The following NBAS variants were observed in gnomAD, a reference collection of about 807,000 sequenced individuals.
NBAS encodes NAG/BC035112 fusion.
In NBAS, 219 loss-of-function variants were observed where a neutral mutation model predicts 302.5. The ratio of observed to expected loss-of-function variants is 0.72; its 90% confidence interval spans 0.65 to 0.81. The LOEUF (loss-of-function observed/expected upper bound fraction) is 0.81. NBAS is among the 30% of genes least tolerant of loss of function. The pLI is 0.00. For missense variants in NBAS, 2,932 were observed against 2,841.6 expected (o/e 1.03, Z -0.72); for synonymous variants, 1,118 against 1,021.6 (o/e 1.09, Z -1.80).
the NBAS span, among the ~76,000 whole-genome samples, chr2:15,051,572 G>A: frequency 6.6e-6 from 1 of 152,210 alleles, no homozygotes; most frequent in Non-Finnish European, 1.5e-5. Context: ...CCAGAGTTGT[G>A]GAATTAAAAT....
At chr2:14,931,031 G>A in the NBAS span, among the ~76,000 whole-genome samples, 22,960 of 152,124 alleles carry the variant, frequency 0.15, 1,766 homozygotes, top group South Asian at 0.18. Context: ...CAGAGAAATG[G>A]TGCTTGAAGT....
intron 21 of NBAS, among the ~76,000 whole-genome samples, chr2:15,439,955 G>C (rs1269865031): frequency 6.6e-6 from 1 of 152,250 alleles, no homozygotes. Context: ...GGCTGGGGGA[G>C]GGGCAACCGC....
chr2:15,368,225 A>G (rs1217603888), intron 31 of NBAS, among the ~76,000 whole-genome samples: 1 of 124,202 alleles, frequency 8.1e-6, no homozygotes, highest in Non-Finnish European at 1.6e-5. Flanking sequence ...TTTGAGATAG[A>G]ATCTCCCTCT....
intron 35 of NBAS, among the ~76,000 whole-genome samples, chr2:15,336,556 C>A (rs1026200219): frequency 6.6e-6 from 1 of 152,074 alleles, no homozygotes; most frequent in South Asian, 2.1e-4. Flanking sequence ...ACTGGTGAAA[C>A]CCCGTCTCTA....
the NBAS span, among the ~76,000 whole-genome samples, chr2:14,910,219 G>A: frequency 3.1e-4 from 47 of 152,276 alleles, no homozygotes; most frequent in African/African-American, 1.0e-3. Flanking sequence ...GAGAGGATGG[G>A]AAATCAAAGA....
At chr2:14,874,709 T>A in the NBAS span, among the ~76,000 whole-genome samples, 1 of 150,606 alleles carries the variant, frequency 6.6e-6, no homozygotes, top group Admixed American at 6.6e-5. Context: ...CCAAGCATAA[T>A]GCTTGGAGAT....
the NBAS span, among the ~76,000 whole-genome samples, chr2:15,132,794 A>G: frequency 6.6e-6 from 1 of 151,984 alleles, no homozygotes; most frequent in East Asian, 1.9e-4. Context: ...ATTTTTAATG[A>G]TTAGAGCTTC....
At chr2:15,012,146 A>C in the NBAS span, among the ~76,000 whole-genome samples, 1 of 152,250 alleles carries the variant, frequency 6.6e-6, no homozygotes, top group Non-Finnish European at 1.5e-5. Context: ...AAAATATTAA[A>C]GAATACAGAT....
chr2:15,059,357 TTTC>T, the NBAS span, among the ~76,000 whole-genome samples: 1 of 152,228 alleles, frequency 6.6e-6, no homozygotes, highest in Non-Finnish European at 1.5e-5. Context: ...TTGTGGATTT[TTTC>T]TTTTTTTTTA....
At chr2:15,215,592 G>T (rs1390557311) in intron 48 of NBAS, among the ~76,000 whole-genome samples, 3 of 152,106 alleles carry the variant, frequency 2.0e-5, no homozygotes, top group Non-Finnish European at 4.4e-5. Flanking sequence ...TTATCTCTGA[G>T]AATGAAGAAG....
At chr2:14,796,902 G>A in the NBAS span, among the ~76,000 whole-genome samples, 9 of 127,590 alleles carry the variant, frequency 7.1e-5, no homozygotes, top group Non-Finnish European at 9.5e-5. Flanking sequence ...GTGAAACCCC[G>A]TCTCTCCTAA....
At position 15,427,525 on chromosome 2, in the gene NBAS, T is replaced by C. The variant is rs3796002; in HGVS notation, c.2423+186A>G. Among the ~76,000 whole-genome samples, 96,846 of 152,014 alleles carry C rather than the reference T, an allele frequency of 0.64. 31,603 individuals carry two copies. Among genetic ancestry groups the C allele is most frequent in the Middle Eastern group, 0.68 (201 of 294 alleles). On this transcript the variant is annotated intron_variant, in intron 22 of 51. Coordinates refer to ENST00000281513, the MANE Select transcript of NBAS (RefSeq NM_015909.4). ...ATTTTTTAACATAATTCCTTTGTAG[T>C]ATTTAATTTTTCCATTAAAAAATTT...
the NBAS span, among the ~76,000 whole-genome samples, chr2:15,160,585 C>CGGGGGGGGGGGGGGGGGGGGGG: frequency 1.1e-5 from 1 of 92,286 alleles, no homozygotes; most frequent in Admixed American, 1.1e-4. Flanking sequence ...CCAGTGTGGG[C>CGGGGGGGGGGGGGGGGGGGGGG]GGGGGGAGGG....
the NBAS span, among the ~76,000 whole-genome samples, chr2:15,142,769 C>T: frequency 6.6e-6 from 1 of 152,182 alleles, no homozygotes; most frequent in East Asian, 1.9e-4. Flanking sequence ...AAGGAACATT[C>T]CATGGATAGA....
the NBAS span, among the ~76,000 whole-genome samples, chr2:14,984,083 A>G: frequency 6.6e-6 from 1 of 152,374 alleles, no homozygotes; most frequent in Non-Finnish European, 1.5e-5. Flanking sequence ...TAACCAATGA[A>G]GAAAACTTAA....
At chr2:15,459,157 A>C (rs1679390099) in intron 21 of NBAS, among the ~76,000 whole-genome samples, 1 of 152,178 alleles carries the variant, frequency 6.6e-6, no homozygotes. Context: ...CTAAGCAATC[A>C]TCAGAAAACA....
At chr2:15,454,632 C>T (rs1260379999) in intron 21 of NBAS, among the ~76,000 whole-genome samples, 3 of 152,238 alleles carry the variant, frequency 2.0e-5, no homozygotes, top group East Asian at 3.9e-4. Flanking sequence ...CAAGCCATGC[C>T]GGATTCCGTG....
chr2:15,077,639 G>A, the NBAS span, among the ~76,000 whole-genome samples: 2 of 151,978 alleles, frequency 1.3e-5, no homozygotes, highest in African/African-American at 4.8e-5. Flanking sequence ...CATTTAGGAT[G>A]GGAAGGGAAA....
intron 6 of NBAS, among the ~76,000 whole-genome samples, chr2:15,544,812 C>T (rs1348728543): frequency 1.3e-5 from 2 of 152,098 alleles, no homozygotes; most frequent in Admixed American, 6.5e-5. Context: ...GAGTTCGAGA[C>T]CATCCTGTCC....
Sources: gnomAD v4.1 joint callset for allele counts (sites outside exome capture counted in the v4.1 genomes callset) on GRCh38, gnomAD v4.1.1 for gene constraint, MANE v1.5 for transcripts, NCBI Gene and HGNC (gene_info 2026-07-23, HGNC 2026-07-21) for gene names.